RTTN: variants seen among roughly 807,000 people sequenced by gnomAD.
RTTN encodes the protein rotatin.
A neutral mutation model predicts 269.2 loss-of-function variants in RTTN; 182 were observed. That is an observed-to-expected ratio of 0.68 (90% CI 0.60 to 0.76). The LOEUF is 0.76. Among genes scored for constraint, RTTN ranks in the 30% least tolerant of loss-of-function variants. The pLI is 0.00. For synonymous variants in RTTN, 1,006 were observed against 963.5 expected (o/e 1.04, Z -0.82); for missense variants, 2,545 against 2,608.6 (o/e 0.98, Z 0.53).
At chr18:70,103,971 GTTGC>G (rs1043167405) in intron 28 of RTTN, among the ~76,000 whole-genome samples, 1 of 151,876 alleles carries the variant, frequency 6.6e-6, no homozygotes, top group African/African-American at 2.4e-5. Flanking sequence ...GTGCCTTGGA[GTTGC>G]TCTTCTCAAG....
chr18:70,166,881 C>T, intron 13 of RTTN, 38 bp downstream of exon 13: 2 of 1,343,742 alleles, frequency 1.5e-6, no homozygotes, highest in Non-Finnish European at 2.1e-6. Context: ...CCTAAGTGTC[C>T]AATAATAACG....
chr18:70,159,513 C>T (rs1410603065), intron 14 of RTTN, among the ~76,000 whole-genome samples: 1 of 152,118 alleles, frequency 6.6e-6, no homozygotes. Flanking sequence ...AACAACCTGA[C>T]ACCACACTTA....
At chr18:70,075,998 A>G (rs781466937) in intron 32 of RTTN, among the ~76,000 whole-genome samples, 7 of 152,028 alleles carry the variant, frequency 4.6e-5, no homozygotes, top group Non-Finnish European at 7.4e-5. Context: ...GTCCATCAAT[A>G]TCCATATGGC....
At chr18:70,041,447 G>C (rs1599233908) in intron 40 of RTTN, among the ~76,000 whole-genome samples, 1 of 152,004 alleles carries the variant, frequency 6.6e-6, no homozygotes, top group East Asian at 1.9e-4. Flanking sequence ...AAGTGTATTA[G>C]GCTTGGGAAA....
intron 38 of RTTN, among the ~76,000 whole-genome samples, chr18:70,052,845 C>G (rs2057713278): frequency 6.6e-6 from 1 of 151,822 alleles, no homozygotes; most frequent in Non-Finnish European, 1.5e-5. Context: ...TTTAATTTAA[C>G]CAGCTAATAG....
chr18:70,029,516 A>G (rs1018197213), intron 42 of RTTN, among the ~76,000 whole-genome samples: 1 of 152,202 alleles, frequency 6.6e-6, no homozygotes, highest in Admixed American at 6.5e-5. Flanking sequence ...GATGAGGAAT[A>G]CCAGCTCTGC....
intron 33 of RTTN, 199 bp downstream of exon 33, chr18:70,075,153 A>G: frequency 2.3e-6 from 1 of 432,898 alleles, no homozygotes; most frequent in Non-Finnish European, 4.0e-6. Flanking sequence ...AGATATGAAC[A>G]TAATTACATA....
At chr18:70,169,334 AC>A (rs756093606) in intron 11 of RTTN, among the ~76,000 whole-genome samples, 3 of 152,074 alleles carry the variant, frequency 2.0e-5, no homozygotes, top group Non-Finnish European at 2.9e-5. Flanking sequence ...TCTTCCCCAA[AC>A]CAACTTCTTC....
chr18:70,192,517 C>G (rs1222906226), intron 8 of RTTN, among the ~76,000 whole-genome samples: 1 of 151,770 alleles, frequency 6.6e-6, no homozygotes, highest in East Asian at 1.9e-4. Flanking sequence ...CCCATCTCTA[C>G]AAAAAATAAA....
chr18:70,193,639 T>C (rs1387148314), intron 7 of RTTN, among the ~76,000 whole-genome samples, 186 bp from the exon 8 acceptor site: 1 of 152,220 alleles, frequency 6.6e-6, no homozygotes, highest in African/African-American at 2.4e-5. Flanking sequence ...TTTAGGTTTA[T>C]ATCTAACTGA....
intron 46 of RTTN, among the ~76,000 whole-genome samples, chr18:70,013,619 T>C (rs2056459724): frequency 1.3e-5 from 2 of 152,196 alleles, no homozygotes; most frequent in Admixed American, 6.5e-5. Context: ...ATGTAAATAA[T>C]GAGACAGTAT....
chr18:70,147,453 A>T (rs550604311), intron 17 of RTTN, among the ~76,000 whole-genome samples: 46 of 150,448 alleles, frequency 3.1e-4, no homozygotes, highest in African/African-American at 7.7e-4. Flanking sequence ...TGTGTAAGGT[A>T]CATTCTATGA....
chr18:70,045,775 G>A (rs924384666), intron 40 of RTTN, among the ~76,000 whole-genome samples: 3 of 151,998 alleles, frequency 2.0e-5, no homozygotes, highest in Non-Finnish European at 4.4e-5. Flanking sequence ...CTGCTTACAC[G>A]AACACAAAGA....
intron 32 of RTTN, among the ~76,000 whole-genome samples, chr18:70,085,436 C>T (rs947534585): frequency 6.6e-6 from 1 of 152,080 alleles, no homozygotes; most frequent in African/African-American, 2.4e-5. Context: ...GGGTCATGTG[C>T]GGAAACTTGC....
intron 29 of RTTN, 120 bp from the exon 30 acceptor site, chr18:70,092,340 T>A (rs2058872279): frequency 1.4e-6 from 1 of 711,540 alleles, no homozygotes; most frequent in Non-Finnish European, 2.3e-6. Flanking sequence ...GACTTGGTTT[T>A]AATCCATTAT....
At chr18:70,084,635 A>C (rs1442331671) in intron 32 of RTTN, among the ~76,000 whole-genome samples, 1 of 152,100 alleles carries the variant, frequency 6.6e-6, no homozygotes, top group African/African-American at 2.4e-5. Flanking sequence ...AAAAAAAAAA[A>C]AGACTGAAAA....
chr18:70,102,187 T>A (rs2059186950), intron 28 of RTTN, among the ~76,000 whole-genome samples: 1 of 152,186 alleles, frequency 6.6e-6, no homozygotes, highest in Admixed American at 6.5e-5. Context: ...TGTTAAAGTC[T>A]CCCATTATTA....
intron 30 of RTTN, among the ~76,000 whole-genome samples, chr18:70,088,976 G>A (rs1001854187): frequency 3.3e-5 from 5 of 152,114 alleles, no homozygotes; most frequent in Non-Finnish European, 7.4e-5. Flanking sequence ...TGACACTTAA[G>A]TGTTGCATGT....
At chr18:70,059,402 C>A (rs1173645541) in intron 36 of RTTN, among the ~76,000 whole-genome samples, 1 of 152,034 alleles carries the variant, frequency 6.6e-6, no homozygotes, top group East Asian at 1.9e-4. Flanking sequence ...TATCAGAATA[C>A]TTTTTGATGA....
Sources: allele counts gnomAD v4.1 joint callset (sites outside exome capture counted in the v4.1 genomes callset), GRCh38; gene constraint gnomAD v4.1.1; transcripts MANE v1.5; gene names NCBI Gene and HGNC (gene_info 2026-07-23, HGNC 2026-07-21).